Variants in WDR59 observed in about 807,000 individuals in gnomAD.
The protein encoded by WDR59 is GATOR2 complex protein WDR59.
Under a neutral mutation model 131.2 loss-of-function variants are expected in WDR59, and 100 were observed. That is an observed-to-expected ratio of 0.76 (90% CI 0.65 to 0.90). The LOEUF (loss-of-function observed/expected upper bound fraction) is 0.90, where lower values mean the gene tolerates loss of function less well. Among genes scored for constraint, WDR59 ranks in the 40% least tolerant of loss-of-function variants. The pLI, the probability that WDR59 is intolerant of heterozygous loss-of-function variation, is 0.00. For synonymous variants in WDR59, 601 were observed against 466.2 expected (o/e 1.29, Z -3.72); for missense variants, 1,203 against 1,262.2 (o/e 0.95, Z 0.71).
chr16:74,887,639 G>C lies in WDR59; in HGVS notation c.2419+44C>G, dbSNP rs1364331199. ...AAAGGTTACATATGCACAGCTCTGG[G>C]AGAACTAAAAATCCAGCGTGGGCTA... On this transcript the variant is annotated intron_variant, in intron 23 of 25. Coordinates refer to ENST00000262144, the MANE Select transcript of WDR59 (RefSeq NM_030581.4). The C allele has an allele frequency of 4.4e-6, 7 of 1,583,764 alleles. No homozygotes were observed. In the African/African-American group the frequency reaches 5.4e-5, roughly 12 times the overall value.
intron 4 of WDR59, among the ~76,000 whole-genome samples, chr16:74,950,360 A>T (rs1203173005): frequency 6.6e-6 from 1 of 151,954 alleles, no homozygotes; most frequent in Non-Finnish European, 1.5e-5. Flanking sequence ...AACAAACAAA[A>T]TTTCTCTCTC....
At chr16:74,944,160 C>T (rs1198369357) in intron 6 of WDR59, among the ~76,000 whole-genome samples, 1 of 152,062 alleles carries the variant, frequency 6.6e-6, no homozygotes, top group African/African-American at 2.4e-5. Flanking sequence ...ATGCAACCTG[C>T]TTTATCAAGA....
chr16:74,954,837 TGCTAA>T (rs1278963056), intron 3 of WDR59, among the ~76,000 whole-genome samples: 1 of 152,240 alleles, frequency 6.6e-6, no homozygotes, highest in Non-Finnish European at 1.5e-5. Flanking sequence ...CAAAACATTA[TGCTAA>T]GTAAAAGAAG....
chr16:74,951,393 A>G, intron 4 of WDR59, 65 bp downstream of exon 4: 1 of 1,478,114 alleles, frequency 6.8e-7, no homozygotes, highest in South Asian at 1.2e-5. Context: ...CGGCATCATC[A>G]TTTCGTTCCC....
chr16:74,889,201 G>A (rs1049257983), intron 21 of WDR59, among the ~76,000 whole-genome samples: 3 of 152,198 alleles, frequency 2.0e-5, no homozygotes, highest in African/African-American at 7.2e-5. Flanking sequence ...GTTTTACTTG[G>A]TGTTAAATTA....
chr16:74,932,521 C>T (rs1334819662), intron 8 of WDR59, among the ~76,000 whole-genome samples: 1 of 152,016 alleles, frequency 6.6e-6, no homozygotes, highest in Non-Finnish European at 1.5e-5. Flanking sequence ...CAGGGTCTCA[C>T]TCTGTCACCC....
intron 17 of WDR59, among the ~76,000 whole-genome samples, chr16:74,905,609 G>C (rs1002530765): frequency 5.3e-5 from 8 of 151,836 alleles, no homozygotes; most frequent in African/African-American, 1.7e-4. Context: ...ATCAACCTGA[G>C]AGGTGGAGCT....
Position 74,915,894 on chromosome 16 carries a change from C to T in WDR59, c.1200G>A (p.Val400=). 1.2e-6 allele frequency: 2 copies of T among 1,614,222 alleles called. No homozygotes were observed. Among genetic ancestry groups the T allele is most frequent in the Non-Finnish European group, 1.7e-6 (2 of 1,180,036 alleles). The change falls in exon 13 of 26, where the codon GTG becomes GTA. Residue 400 remains valine, a synonymous_variant. Transcript: ENST00000262144. ...TLQQEFSLIN[V]QIRNVNVEMD... The stretch of plus-strand genomic sequence containing the variant: ...CCTCCACATTGACATTCCGGATTTG[C>T]ACATTGATCAGGGAGAATTCCTGCT...
intron 1 of WDR59, among the ~76,000 whole-genome samples, chr16:74,973,118 G>GT (rs1431819420): frequency 6.6e-6 from 1 of 152,058 alleles, no homozygotes. Flanking sequence ...GCGCATGCTT[G>GT]TAATCCCAGC....
chr16:74,908,694 A>G, intron 17 of WDR59: 2 of 423,444 alleles, frequency 4.7e-6, no homozygotes, highest in Non-Finnish European at 8.3e-6. Context: ...TTATCAAGCT[A>G]CCTCTTCTAA....
chr16:74,958,899 T>TA (rs974758387), intron 2 of WDR59, among the ~76,000 whole-genome samples: 171 of 148,000 alleles, frequency 1.2e-3, no homozygotes, highest in African/African-American at 3.7e-3. Flanking sequence ...CCCTGACTAA[T>TA]AAAAAAAAAA....
intron 1 of WDR59, 48 bp from the exon 2 acceptor site, chr16:74,965,870 G>A: frequency 6.2e-7 from 1 of 1,608,720 alleles, no homozygotes; most frequent in Non-Finnish European, 8.5e-7. Flanking sequence ...CCCAGCCGGG[G>A]ATAGAAGGCA....
intron 8 of WDR59, among the ~76,000 whole-genome samples, chr16:74,932,291 T>C (rs1001165822): frequency 3.9e-5 from 6 of 151,908 alleles, no homozygotes; most frequent in African/African-American, 1.5e-4. Context: ...GGTCTCACTA[T>C]GTTGTCCAGG....
chr16:74,919,485 A>C (rs1308485207), intron 10 of WDR59, among the ~76,000 whole-genome samples: 1 of 147,960 alleles, frequency 6.8e-6, no homozygotes, highest in East Asian at 2.0e-4. Flanking sequence ...GGCACGTGCC[A>C]CCACACCTGG....
chr16:74,890,061 A>C (rs1460250211), intron 20 of WDR59, among the ~76,000 whole-genome samples: 2 of 152,236 alleles, frequency 1.3e-5, no homozygotes, highest in East Asian at 3.8e-4. Flanking sequence ...CTAGGCTTAA[A>C]AATTTTTCAT....
chr16:74,907,085 T>C (rs1659406350), intron 17 of WDR59, among the ~76,000 whole-genome samples: 1 of 152,130 alleles, frequency 6.6e-6, no homozygotes, highest in Non-Finnish European at 1.5e-5. Flanking sequence ...GAATCGGGTG[T>C]AATGTAGGTG....
chr16:74,896,352 A>G (rs61333776), intron 18 of WDR59, among the ~76,000 whole-genome samples: 41,496 of 152,152 alleles, frequency 0.27, 6,043 homozygotes, highest in African/African-American at 0.34. Context: ...ACCATGGGCC[A>G]AGTGCAGTGG....
chr16:74,949,484 TCTAA>T (rs1366101640), intron 5 of WDR59, among the ~76,000 whole-genome samples: 1 of 150,466 alleles, frequency 6.6e-6, no homozygotes, highest in African/African-American at 2.5e-5. Context: ...GAGGACAGAC[TCTAA>T]CTAGGGAAGA....
chr16:74,938,639 C>A (rs2031989492), intron 7 of WDR59, among the ~76,000 whole-genome samples: 1 of 152,154 alleles, frequency 6.6e-6, no homozygotes, highest in South Asian at 2.1e-4. Flanking sequence ...TGGGCTCAAG[C>A]AGTCCTCCCA....
Sources: gnomAD v4.1 joint callset for allele counts (sites outside exome capture counted in the v4.1 genomes callset) on GRCh38, gnomAD v4.1.1 for gene constraint, MANE v1.5 for transcripts, NCBI Gene and HGNC (gene_info 2026-07-23, HGNC 2026-07-21) for gene names.